Variants in COL4A4 observed in about 807,000 individuals in gnomAD.
COL4A4 encodes collagen type IV alpha 4 chain.
Under a neutral mutation model 192.9 loss-of-function variants are expected in COL4A4, and 105 were observed. The observed-to-expected ratio is 0.54, with a 90% CI of 0.46 to 0.64. The LOEUF is 0.64. COL4A4 is among the 30% of genes least tolerant of loss of function. The pLI is 0.00. For synonymous variants in COL4A4, 762 were observed against 769.9 expected, an observed-to-expected ratio of 0.99 and a Z score of 0.17; for missense variants, 1,967 against 2,169.3, an observed-to-expected ratio of 0.91 and a Z score of 1.85.
Position 227,059,599 on chromosome 2 carries a change from G to A in COL4A4, c.2189C>T (p.Pro730Leu), listed in dbSNP as rs747641722. 1.5e-5 allele frequency: 24 copies of A among 1,613,784 alleles called. No individual in the cohort carries two copies. The highest frequency in any genetic ancestry group is 1.3e-4 in the Admixed American group (8 of 59,988). Residue 730 changes from proline (P) to leucine (L), a missense_variant, in exon 28 of 48, where the codon CCG (proline) becomes CTG (leucine). Coordinates refer to ENST00000396625, the MANE Select transcript of COL4A4 (RefSeq NM_000092.5). ...PPGFRGDMGDPGFGGEKGSSP... is the reference protein window; with the variant it reads ...PPGFRGDMGDLGFGGEKGSSP... ...GGACCCCTTTTCACCTCCAAAACCCGGATCTCCCATGTCACCACGAAAACC... is the reference window on the plus strand; with the variant it reads ...GGACCCCTTTTCACCTCCAAAACCCAGATCTCCCATGTCACCACGAAAACC...
At chr2:227,104,500 T>A (rs2060706485) in intron 12 of COL4A4, among the ~76,000 whole-genome samples, 1 of 150,774 alleles carries the variant, frequency 6.6e-6, no homozygotes, top group East Asian at 2.0e-4. Flanking sequence ...GAGAATGGCA[T>A]GAACCTGGGA....
chr2:226,991,460 A>T, the COL4A4 span, among the ~76,000 whole-genome samples: 2 of 152,210 alleles, frequency 1.3e-5, no homozygotes, highest in Non-Finnish European at 2.9e-5. Flanking sequence ...GATTACAGGC[A>T]TGAGCCACCA....
chr2:227,141,996 G>T (rs1431190529), intron 3 of COL4A4, among the ~76,000 whole-genome samples: 3 of 147,344 alleles, frequency 2.0e-5, no homozygotes, highest in Non-Finnish European at 4.5e-5. Flanking sequence ...GGGCAAGTTT[G>T]TTATTATTAT....
At chr2:227,034,359 C>T (rs988909554) in intron 37 of COL4A4, among the ~76,000 whole-genome samples, 1 of 152,026 alleles carries the variant, frequency 6.6e-6, no homozygotes, top group Non-Finnish European at 1.5e-5. Flanking sequence ...GGAGGAGAGG[C>T]AAGGAAGAAA....
chr2:227,057,556 C>A lies in COL4A4; in HGVS notation c.2428G>T (p.Gly810Cys). 1 of 1,614,140 alleles carries A rather than the reference C, an allele frequency of 6.2e-7. No homozygotes were observed. The highest frequency in any genetic ancestry group is 8.5e-7 in the Non-Finnish European group (1 of 1,180,018). The change falls in exon 29 of 48, where the codon GGC (glycine) becomes TGC (cysteine). Residue 810 changes from glycine (G) to cysteine (C), a missense_variant. By Grantham distance (159) the Gly-to-Cys change is radical. Coordinates refer to ENST00000396625, the MANE Select transcript of COL4A4 (RefSeq NM_000092.5). Reference sequence around the variant, plus strand: ...GGAAACCCAGCATGTCCCTCTCTGCCTTTGGGACCTTTGAGACCTAGGAAT... The same window carrying A: ...GGAAACCCAGCATGTCCCTCTCTGCATTTGGGACCTTTGAGACCTAGGAAT... Reference protein sequence around the residue: ...PGFLGLKGPKGREGHAGFPGV... With the variant: ...PGFLGLKGPKCREGHAGFPGV...
In COL4A4 at chr2:227,147,719, T is replaced by C. The variant is rs12694712; in HGVS notation, c.-101-135A>G. ...AATCTTTCCTTAGTGATGGTGAAACTGAATAAATATCAGTTTTTATCTTCA... is the reference window on the plus strand; with the variant it reads ...AATCTTTCCTTAGTGATGGTGAAACCGAATAAATATCAGTTTTTATCTTCA... On this transcript the variant is annotated intron_variant, in intron 1 of 47. Transcript: ENST00000396625. 176,728 of 410,840 alleles carry C rather than the reference T, an allele frequency of 0.43. 40,441 individuals are homozygous for C. The highest frequency in any genetic ancestry group is 0.66 in the African/African-American group (32,063 of 48,482). The allele number at this position is 410,840 out of a possible 1,614,324, so 25.4% of individuals were successfully genotyped here.
chr2:227,055,329 A>C (rs1266538406), intron 30 of COL4A4, among the ~76,000 whole-genome samples: 1 of 146,898 alleles, frequency 6.8e-6, no homozygotes, highest in East Asian at 2.0e-4. Flanking sequence ...CCTGGCTAAA[A>C]TAGCGAGATC....
At chr2:227,135,646 T>TC (rs1354546401) in intron 4 of COL4A4, among the ~76,000 whole-genome samples, 2 of 151,164 alleles carry the variant, frequency 1.3e-5, no homozygotes, top group African/African-American at 4.9e-5. Flanking sequence ...GGAATCTATT[T>TC]TTTTTTTTCT....
the COL4A4 span, among the ~76,000 whole-genome samples, chr2:226,972,384 G>A: frequency 2.0e-5 from 3 of 152,178 alleles, no homozygotes; most frequent in East Asian, 3.8e-4. Context: ...AATGAGAGGA[G>A]GGAAGAGAGA....
At chr2:226,970,775 G>C in the COL4A4 span, among the ~76,000 whole-genome samples, 1 of 152,206 alleles carries the variant, frequency 6.6e-6, no homozygotes, top group Non-Finnish European at 1.5e-5. Flanking sequence ...TAAAGAAATT[G>C]AGGCTCAGGG....
the COL4A4 span, among the ~76,000 whole-genome samples, chr2:226,995,098 T>TA: frequency 6.4e-4 from 89 of 139,242 alleles, no homozygotes; most frequent in Middle Eastern, 3.6e-3. Flanking sequence ...TATATGGGCA[T>TA]AAAAAAAAAA....
intron 26 of COL4A4, 124 bp from the exon 27 acceptor site, chr2:227,060,367 G>T (rs1576217846): frequency 1.4e-6 from 1 of 696,006 alleles, no homozygotes; most frequent in East Asian, 2.7e-5. Flanking sequence ...TGGAAGTAAG[G>T]ATGTTGCCTA....
intron 25 of COL4A4, among the ~76,000 whole-genome samples, chr2:227,064,921 TC>T (rs2058200725): frequency 6.6e-6 from 1 of 152,104 alleles, no homozygotes; most frequent in South Asian, 2.1e-4. Flanking sequence ...AGTCTACAGC[TC>T]CCAGCGCGCG....
chr2:227,067,811 GA>G (rs1448440533), intron 25 of COL4A4, among the ~76,000 whole-genome samples: 1 of 151,078 alleles, frequency 6.6e-6, no homozygotes, highest in African/African-American at 2.4e-5. Flanking sequence ...AAAAGAACTA[GA>G]AAAGCAAGAG....
chr2:226,987,731 G>T, the COL4A4 span, among the ~76,000 whole-genome samples: 2 of 152,208 alleles, frequency 1.3e-5, no homozygotes, highest in African/African-American at 2.4e-5. Flanking sequence ...CCCACATCTG[G>T]TTGAAGTGAA....
At chr2:227,024,457 G>T (rs931768569) in intron 43 of COL4A4, among the ~76,000 whole-genome samples, 1 of 152,022 alleles carries the variant, frequency 6.6e-6, no homozygotes, top group African/African-American at 2.4e-5. Context: ...TGGTGGAATC[G>T]CCAGCCTGGG....
intron 4 of COL4A4, among the ~76,000 whole-genome samples, chr2:227,132,659 C>T (rs2062556368): frequency 6.6e-6 from 1 of 152,036 alleles, no homozygotes. Context: ...GCCTGTAATC[C>T]CAGCTACTTG....
the COL4A4 span, among the ~76,000 whole-genome samples, chr2:226,975,915 G>A: frequency 2.0e-5 from 3 of 152,110 alleles, no homozygotes; most frequent in Non-Finnish European, 4.4e-5. Context: ...GGCTGCAGGA[G>A]TAATGTAAGT....
intron 9 of COL4A4, among the ~76,000 whole-genome samples, chr2:227,110,383 T>C (rs536946079): frequency 1.3e-5 from 2 of 152,252 alleles, no homozygotes; most frequent in East Asian, 3.9e-4. Context: ...CAGGGCAAAA[T>C]TATAGCTTAA....
Sources: allele counts gnomAD v4.1 joint callset (sites outside exome capture counted in the v4.1 genomes callset), GRCh38; gene constraint gnomAD v4.1.1; transcripts MANE v1.5; gene names NCBI Gene and HGNC (gene_info 2026-07-23, HGNC 2026-07-21).